DNM1: variants seen among roughly 807,000 people sequenced by gnomAD.
The protein encoded by DNM1 is dynamin 1.
Under a neutral mutation model 104.6 loss-of-function variants are expected in DNM1, and 29 were observed. The ratio of observed to expected loss-of-function variants is 0.28; its 90% CI spans 0.21 to 0.38. The LOEUF is 0.38. Ranked by LOEUF, DNM1 falls within the 10% of genes least tolerant of loss-of-function variation. DNM1 has a pLI of 1.00. For missense variants in DNM1, 640 were observed against 1,189.4 expected (o/e 0.54, Z 6.79); for synonymous variants, 445 against 475.8 (o/e 0.94, Z 0.84).
rs1834865592 is a variant in DNM1, at chr9:128,220,311, C to A, written c.819C>A (p.Gly273=). Residue 273 remains glycine (G), a synonymous_variant, in exon 6 of 22, where the codon GGC becomes GGA. Coordinates refer to ENST00000372923, the MANE Select transcript of DNM1 (RefSeq NM_004408.4). This position sits in a 1 kb window ranked among gnomAD's most constrained non-coding sequence, Gnocchi z 5.2. ...ATCGCCACTTGGCTGACCGTATGGG[C>A]ACGCCCTACCTGCAGAAGGTCCTCA... ...PSYRHLADRM[G]TPYLQKVLNQ... 2 of 1,614,176 alleles carry A rather than the reference C, an allele frequency of 1.2e-6. No individual in the cohort carries two copies. The highest frequency in any genetic ancestry group is 1.7e-6 in the Non-Finnish European group (2 of 1,180,038).
At chr9:128,239,545 G>C in intron 12 of DNM1, 30 bp downstream of exon 12, 2 of 1,583,108 alleles carry the variant, frequency 1.3e-6, no homozygotes, top group Non-Finnish European at 1.7e-6. Context: ...AAAAGTGAGT[G>C]CTCCCTGGGC....
rs1445371819 is a variant in DNM1 at position 128,203,468 on chromosome 9, G to C, written c.-3G>C. ...ATCGCAGCCTGCGGGGCCCGCCGCA[G>C]CCATGGGCAACCGCGGCATGGAAGA... On this transcript the variant is annotated 5_prime_UTR_variant, in exon 1 of 22. Transcript: ENST00000372923. The surrounding 1 kb of genome is among the most constrained non-coding windows in gnomAD (Gnocchi z 5.3). The C allele has an allele frequency of 6.7e-7, 1 of 1,497,162 alleles. No homozygotes were observed. The highest frequency in any genetic ancestry group is 8.9e-7 in the Non-Finnish European group (1 of 1,124,838). The allele number at this position is 1,497,162 out of a possible 1,614,324, so 92.7% of individuals were successfully genotyped here.
Position 128,218,655 on chromosome 9 carries a change from C to A in DNM1, c.309C>A (p.Ala103=). Reference sequence around the variant, plus strand: ...AGGAGGTGCGCCTTGAGATCGAGGCCGAGACCGACAGGGTCACCGGCACCA... The same window carrying A: ...AGGAGGTGCGCCTTGAGATCGAGGCAGAGACCGACAGGGTCACCGGCACCA... ...DFEEVRLEIE[A]ETDRVTGTNK... The change falls in exon 3 of 22, where the codon GCC becomes GCA. Residue 103 remains alanine, a synonymous_variant. Transcript: ENST00000372923. The surrounding 1 kb of genome is among the most constrained non-coding windows in gnomAD (Gnocchi z 4.8). 1 of 1,613,472 alleles carries A rather than the reference C, an allele frequency of 6.2e-7. No individual in the cohort carries two copies. Among genetic ancestry groups the A allele is most frequent in the Non-Finnish European group, 8.5e-7 (1 of 1,179,662 alleles).
At chr9:128,226,848 G>A (rs571668640) in intron 10 of DNM1, among the ~76,000 whole-genome samples, 86 of 152,154 alleles carry the variant, frequency 5.7e-4, no homozygotes, top group Non-Finnish European at 8.7e-4. Flanking sequence ...AGGGGAGTGC[G>A]AGAGAATCAG....
intron 1 of DNM1, among the ~76,000 whole-genome samples, chr9:128,217,240 C>G (rs541980240): frequency 6.6e-6 from 1 of 152,298 alleles, no homozygotes; most frequent in South Asian, 2.1e-4. Flanking sequence ...TCAAATATAT[C>G]CGAGACCAGG....
chr9:128,251,240 G>A (rs1829499887), intron 21 of DNM1: 12 of 588,596 alleles, frequency 2.0e-5, no homozygotes, highest in Admixed American at 8.8e-5. Flanking sequence ...ACTCTTGGCG[G>A]CCGCCCACAC....
intron 1 of DNM1, among the ~76,000 whole-genome samples, chr9:128,209,610 A>T (rs1479515909): frequency 1.3e-5 from 2 of 151,834 alleles, no homozygotes; most frequent in Non-Finnish European, 2.9e-5. Flanking sequence ...AGAATTTCAG[A>T]CTCCTTGGAG....
intron 10 of DNM1, among the ~76,000 whole-genome samples, chr9:128,228,074 G>C (rs1031143470): frequency 1.3e-5 from 2 of 151,268 alleles, no homozygotes; most frequent in African/African-American, 2.4e-5. Flanking sequence ...AGAGTTTCAC[G>C]CTTGTTGCCC....
Position 128,203,930 on chromosome 9 carries a change from T to G in DNM1, c.161+299T>G. The G allele has an allele frequency of 4.9e-5, 9 of 184,716 alleles. No individual in the cohort carries two copies. The highest frequency in any genetic ancestry group is 2.0e-3 in the Middle Eastern group (1 of 504). The allele number at this position is 184,716 out of a possible 1,614,324, so 11.4% of individuals were successfully genotyped here. The stretch of plus-strand genomic sequence containing the variant: ...CTGCCAGAAGCCCCGGGCAAAGAGC[T>G]GCCCCCCGCCCCCAACATGGGCATG... On this transcript the variant is annotated intron_variant, in intron 1 of 21. Transcript: ENST00000372923. The surrounding 1 kb of genome is among the most constrained non-coding windows in gnomAD (Gnocchi z 5.3).
chr9:128,208,933 A>T (rs1421725744), intron 1 of DNM1, among the ~76,000 whole-genome samples: 2 of 152,092 alleles, frequency 1.3e-5, no homozygotes, highest in Admixed American at 1.3e-4. Flanking sequence ...CTGAGCAAAG[A>T]GTTAGGGGGA....
At chr9:128,229,527 G>T (rs964410325) in intron 10 of DNM1, among the ~76,000 whole-genome samples, 2 of 150,522 alleles carry the variant, frequency 1.3e-5, no homozygotes, top group Non-Finnish European at 1.5e-5. Flanking sequence ...AGCCTGGAAG[G>T]TCGAGGCTGC....
chr9:128,239,903 A>T, intron 13 of DNM1, 82 bp from the exon 14 acceptor site: 1 of 1,592,542 alleles, frequency 6.3e-7, no homozygotes. Context: ...GCTGCCAGCC[A>T]CAAGCCTCCC....
At position 128,250,826 on chromosome 9, in the gene DNM1, C is replaced by G. The variant is rs935756107; in HGVS notation, c.2420C>G (p.Ser807Cys). 786 of 1,324,334 alleles carry G rather than the reference C, an allele frequency of 5.9e-4. 1 individual carries two copies. Among genetic ancestry groups the G allele is most frequent in the Non-Finnish European group, 6.9e-4 (724 of 1,047,630 alleles). 82.0% of individuals were successfully genotyped at this position (1,324,334 alleles called of 1,614,324 possible). A position where few individuals can be genotyped will look rare whatever the true frequency, so the allele number is the denominator to read the frequency against. ...GPAPGPPPAG[S>C]ALGGAPPVPS... Reference sequence around the variant, plus strand: ...GCTCCTGGGCCTCCGCCTGCTGGGTCCGCCCTGGGGGGGGCGCCCCCCGTG... The same window carrying G: ...GCTCCTGGGCCTCCGCCTGCTGGGTGCGCCCTGGGGGGGGCGCCCCCCGTG... The change falls in exon 21 of 22, where the codon TCC becomes TGC. Residue 807 changes from serine (S) to cysteine (C), a missense_variant. By Grantham distance (112) the Ser-to-Cys change is moderately radical (BLOSUM62 -1). Around this residue, in one of 7 missense-constraint regions of DNM1, gnomAD observed 129 missense variants for 224.6 expected, o/e 0.57. Transcript: ENST00000372923.
At position 128,240,086 on chromosome 9, in the gene DNM1, C is replaced by A; in HGVS notation, c.1557+90C>A. ...GGATCTGCAACGGGTAGGAGGGCAC[C>A]CTTTGGCTGAAGCTGCTTGTACACA... On this transcript the variant is annotated intron_variant, in intron 14 of 21. Transcript: ENST00000372923. This position sits in a 1 kb window ranked among gnomAD's most constrained non-coding sequence, Gnocchi z 5.1. 6.7e-7 allele frequency: 1 copy of A among 1,488,272 alleles called. No individual in the cohort carries two copies. Among genetic ancestry groups the A allele is most frequent in the Non-Finnish European group, 9.4e-7 (1 of 1,067,000 alleles). 92.2% of individuals were successfully genotyped at this position (1,488,272 alleles called of 1,614,324 possible).
chr9:128,222,956 G>C lies in DNM1; in HGVS notation c.1196+96G>C, dbSNP rs1588371138. ...GATGAAGTGGGCCTCCCTCAGGAAG[G>C]ACTGAAAGCTCTGTTCCCCAGTCCT... On this transcript the variant is annotated intron_variant, in intron 9 of 21. Coordinates refer to ENST00000372923, the MANE Select transcript of DNM1 (RefSeq NM_004408.4). The surrounding 1 kb of genome is among the most constrained non-coding windows in gnomAD (Gnocchi z 7.8). The C allele has an allele frequency of 4.1e-6, 5 of 1,213,450 alleles. No homozygotes were observed. In the East Asian group the frequency reaches 1.2e-4, roughly 28 times the overall value. 75.2% of individuals were successfully genotyped at this position (1,213,450 alleles called of 1,614,324 possible). A position where few individuals can be genotyped will look rare whatever the true frequency, so the allele number is the denominator to read the frequency against.
At position 128,253,001 on chromosome 9, in the gene DNM1, T is replaced by C; in HGVS notation, c.2535-1653T>C. The C allele has an allele frequency of 8.6e-7, 1 of 1,168,840 alleles. No homozygotes were observed. The highest frequency in any genetic ancestry group is 1.3e-6 in the Non-Finnish European group (1 of 784,558). 72.4% of individuals were successfully genotyped at this position (1,168,840 alleles called of 1,614,324 possible). ...GTGGGCCATGGGGCCTCACAGCATG[T>C]GTGTGCACGCCCGGGCGTGTGCGTG... On this transcript the variant is annotated intron_variant, in intron 21 of 21. Transcript: ENST00000372923. This position sits in a 1 kb window ranked among gnomAD's most constrained non-coding sequence, Gnocchi z 5.9.
At chr9:128,211,214 G>C (rs950815715) in intron 1 of DNM1, among the ~76,000 whole-genome samples, 1 of 151,896 alleles carries the variant, frequency 6.6e-6, no homozygotes, top group African/African-American at 2.4e-5. Flanking sequence ...TCCATTCCCC[G>C]CCCGACAGCA....
chr9:128,254,464 A>C lies in DNM1; in HGVS notation c.2535-190A>C, dbSNP rs1829725425. 2 of 1,483,526 alleles carry C rather than the reference A, an allele frequency of 1.3e-6. No individual in the cohort carries two copies. Among genetic ancestry groups the C allele is most frequent in the Non-Finnish European group, 8.9e-7 (1 of 1,124,742 alleles). 91.9% of individuals were successfully genotyped at this position (1,483,526 alleles called of 1,614,324 possible). Reference sequence around the variant, plus strand: ...CTGTGAAGCTACGGCTCCTCCCTCCATCTTCCTCCCCTTTCCCTTCCAGCC... The same window carrying C: ...CTGTGAAGCTACGGCTCCTCCCTCCCTCTTCCTCCCCTTTCCCTTCCAGCC... On this transcript the variant is annotated intron_variant, in intron 21 of 21. Coordinates refer to ENST00000372923, the MANE Select transcript of DNM1 (RefSeq NM_004408.4). This position sits in a 1 kb window ranked among gnomAD's most constrained non-coding sequence, Gnocchi z 6.1.
Position 128,239,290 on chromosome 9 carries a change from G to A in DNM1, c.1423-155G>A, listed in dbSNP as rs565923078. On this transcript the variant is annotated intron_variant, in intron 11 of 21. Coordinates refer to ENST00000372923, the MANE Select transcript of DNM1 (RefSeq NM_004408.4). ...TGGGATCACAGGTGTGAGCCACCAC[G>A]CTCAGCTTTTGTCTTTCACTGATGG... Among the ~76,000 whole-genome samples, 658 of 152,260 alleles carry A rather than the reference G, an allele frequency of 4.3e-3. 6 individuals are homozygous for A. The highest frequency in any genetic ancestry group is 6.8e-3 in the Middle Eastern group (2 of 294).
Sources: allele counts gnomAD v4.1 joint callset (sites outside exome capture counted in the v4.1 genomes callset), GRCh38; gene constraint gnomAD v4.1.1; regional missense constraint gnomAD v4.1.1; non-coding constraint Gnocchi (gnomAD v3.1); transcripts MANE v1.5; gene names NCBI Gene and HGNC (gene_info 2026-07-23, HGNC 2026-07-21).